The following PSG6 variants were observed in gnomAD, a reference collection of about 807,000 sequenced individuals.
PSG6 encodes pregnancy-specific beta-1-glycoprotein 6.
Under a neutral mutation model 43.3 loss-of-function variants are expected in PSG6, and 51 were observed. That is an observed-to-expected ratio of 1.18 (90% CI 0.94 to 1.49). The LOEUF (loss-of-function observed/expected upper bound fraction) is 1.49. Ranked by LOEUF, PSG6 falls within the 40% of genes most tolerant of loss-of-function variation. The pLI is 0.00. For synonymous variants in PSG6, 292 were observed against 197.6 expected, an observed-to-expected ratio of 1.48 and a Z score of -4.01; for missense variants, 770 against 522.2, an observed-to-expected ratio of 1.47 and a Z score of -4.62.
chr19:42,914,174 G>A (rs1482920073), intron 2 of PSG6, among the ~76,000 whole-genome samples: 1 of 151,496 alleles, frequency 6.6e-6, no homozygotes. Context: ...CCCTGGATGG[G>A]AATACAGTGG....
At position 42,907,524 on chromosome 19, in the gene PSG6, C is replaced by T. The variant is rs371459736; in HGVS notation, c.985+52G>A. 1,266 of 1,604,616 alleles carry T rather than the reference C, an allele frequency of 7.9e-4. 26 individuals are homozygous for T. The highest frequency in any genetic ancestry group is 9.8e-4 in the Non-Finnish European group (1,157 of 1,175,520). On this transcript the variant is annotated intron_variant, in intron 4 of 5. Coordinates refer to ENST00000187910, the MANE Select transcript of PSG6 (RefSeq NM_001031850.4). ...GAGACTGAGAGGCCTGGCCTCTGGT[C>T]GTTTGGAGTTAAGCTGGTGTCCTGG...
rs1210300841 is a variant in PSG6, at chr19:42,907,157, T to G, written c.1005A>C (p.Arg335Ser). The G allele has an allele frequency of 5.0e-6, 8 of 1,612,304 alleles. No homozygotes were observed. Among genetic ancestry groups the G allele is most frequent in the South Asian group, 1.1e-5 (1 of 90,798 alleles). ...GGTAATAGGTGAATGAAGGGTAAAT[T>G]CTGGGGAGGTCTGGACCATCTGGAG... ...LNVLYGPDLP[R>S]IYPSFTYYRS... Residue 335 changes from arginine (R) to serine (S), a missense_variant, in exon 5 of 6, where the codon AGA becomes AGC. Transcript: ENST00000187910.
intron 2 of PSG6, among the ~76,000 whole-genome samples, chr19:42,913,863 A>T (rs180983514): frequency 1.5e-4 from 22 of 151,596 alleles, no homozygotes; most frequent in Admixed American, 7.3e-4. Flanking sequence ...ATCACCAATC[A>T]GCAGTACTCA....
chr19:42,909,540 C>G (rs191977498), intron 3 of PSG6, among the ~76,000 whole-genome samples: 1 of 151,568 alleles, frequency 6.6e-6, no homozygotes, highest in Non-Finnish European at 1.5e-5. Context: ...TCTTCCAATC[C>G]ATGAAAATGA....
rs35188962 is a variant in PSG6, at chr19:42,917,363, CTTTTTTT to C, written c.64+359_64+365del. On this transcript the variant is annotated intron_variant, in intron 1 of 5. Transcript: ENST00000187910. The stretch of plus-strand genomic sequence containing the variant: ...CCTTTTTTTCTTTCTTCTTTTTATT[CTTTTTTT>C]TTTTTTTTTTTGAAATGGAGTCTCG... 6.7e-4 allele frequency among the ~76,000 whole-genome samples: 83 copies of C among 123,326 alleles called. 2 individuals are homozygous for C. The highest frequency in any genetic ancestry group is 1.2e-3 in the East Asian group (5 of 4,138). 80.9% of individuals were successfully genotyped at this position (123,326 alleles called of 152,430 possible).
intron 2 of PSG6, 55 bp from the exon 3 acceptor site, chr19:42,910,913 A>T: frequency 6.5e-7 from 1 of 1,546,506 alleles, no homozygotes; most frequent in Non-Finnish European, 8.7e-7. Flanking sequence ...ATTCCTCCAA[A>T]GGCATTTTTC....
At chr19:42,911,192 C>T (rs1185908382) in intron 2 of PSG6, among the ~76,000 whole-genome samples, 1 of 151,596 alleles carries the variant, frequency 6.6e-6, no homozygotes, top group Non-Finnish European at 1.5e-5. Flanking sequence ...CCTTTTGGTC[C>T]TTACTTGGGG....
chr19:42,907,702 G>C lies in PSG6; in HGVS notation c.859C>G (p.Arg287Gly). The C allele has an allele frequency of 1.2e-6, 2 of 1,610,814 alleles. No individual in the cohort carries two copies. Among genetic ancestry groups the C allele is most frequent in the East Asian group, 2.2e-5 (1 of 44,804 alleles). ...QSLPVSPRVK[R>G]PIENRILILP... Reference sequence around the variant, plus strand: ...ATGAGTATCCTGTTTTCAATGGGTCGCTTTACCCTCGGACTGACCGGGAGG... The same window carrying C: ...ATGAGTATCCTGTTTTCAATGGGTCCCTTTACCCTCGGACTGACCGGGAGG... The change falls in exon 4 of 6, where the codon CGA (arginine) becomes GGA (glycine). Residue 287 changes from arginine (R) to glycine (G), a missense_variant. Coordinates refer to ENST00000187910, the MANE Select transcript of PSG6 (RefSeq NM_001031850.4).
At chr19:42,917,544 TG>T (rs779516894) in intron 1 of PSG6, among the ~76,000 whole-genome samples, 184 bp downstream of exon 1, 1 of 151,026 alleles carries the variant, frequency 6.6e-6, no homozygotes, top group Non-Finnish European at 1.5e-5. Context: ...TTGTATTTTT[TG>T]GTAGAGACAC....
Position 42,914,275 on chromosome 19 carries a change from C to T in PSG6, c.427+1850G>A, listed in dbSNP as rs976797194. Among the ~76,000 whole-genome samples, 6 of 151,448 alleles carry T rather than the reference C, an allele frequency of 4.0e-5. No individual in the cohort carries two copies. In the East Asian group the frequency reaches 1.2e-3, roughly 29 times the overall value. On this transcript the variant is annotated intron_variant, in intron 2 of 5. Transcript: ENST00000187910. ...GGTGATTTCTGCACCTTTCCTATTT[C>T]CTGGGAGGTGGGCCAGGCCACAGTG...
intron 2 of PSG6, among the ~76,000 whole-genome samples, chr19:42,913,003 G>C (rs1414844261): frequency 6.6e-6 from 1 of 151,582 alleles, no homozygotes; most frequent in African/African-American, 2.4e-5. Context: ...TAAATATGAA[G>C]TTGAATATGT....
At chr19:42,911,448 A>C (rs531051053) in intron 2 of PSG6, among the ~76,000 whole-genome samples, 1 of 150,722 alleles carries the variant, frequency 6.6e-6, no homozygotes, top group East Asian at 1.9e-4. Flanking sequence ...AAGGTGGGGC[A>C]GTTTTCCAGG....
chr19:42,910,918 T>C (rs2122635044), intron 2 of PSG6, 60 bp from the exon 3 acceptor site: 1 of 1,542,088 alleles, frequency 6.5e-7, no homozygotes, highest in East Asian at 2.3e-5. Flanking sequence ...TCCAAAGGCA[T>C]TTTTCAATCA....
chr19:42,913,073 A>C (rs1260122415), intron 2 of PSG6, among the ~76,000 whole-genome samples: 1 of 151,458 alleles, frequency 6.6e-6, no homozygotes, highest in African/African-American at 2.4e-5. Flanking sequence ...GGAAGTTTCT[A>C]TTGACACATT....
rs1173129107 is a variant in PSG6, at chr19:42,906,178, G to A, written c.1240+744C>T. On this transcript the variant is annotated intron_variant, in intron 5 of 5. Coordinates refer to ENST00000187910, the MANE Select transcript of PSG6 (RefSeq NM_001031850.4). ...TTTCTCTAGCTCTGCATCAGTCACT[G>A]TCCTCCGTGCTGTGTCCCACGTGCT... Among the ~76,000 whole-genome samples the A allele has an allele frequency of 3.3e-5, 5 of 151,656 alleles. 1 individual carries two copies. Among genetic ancestry groups the A allele is most frequent in the East Asian group, 3.9e-4 (2 of 5,144 alleles).
At chr19:42,906,341 C>T (rs1220409878) in intron 5 of PSG6, among the ~76,000 whole-genome samples, 3 of 151,508 alleles carry the variant, frequency 2.0e-5, no homozygotes, top group African/African-American at 4.8e-5. Context: ...TCGATTTAGC[C>T]AACTTCAGGA....
chr19:42,917,599 G>C lies in PSG6; in HGVS notation c.64+130C>G, dbSNP rs146580914. The C allele has an allele frequency of 1.1e-3, 1,540 of 1,391,226 alleles. 38 individuals are homozygous for C. The African/African-American group carries it at 0.021, about 19-fold the overall frequency. 86.2% of individuals were successfully genotyped at this position (1,391,226 alleles called of 1,614,324 possible). A position where few individuals can be genotyped will look rare whatever the true frequency, so the allele number is the denominator to read the frequency against. On this transcript the variant is annotated intron_variant, in intron 1 of 5. Coordinates refer to ENST00000187910, the MANE Select transcript of PSG6 (RefSeq NM_001031850.4). ...AGACTGATCTTGAACTCCTGATCTCGTGATCCACCCACCTCAGCCTCCCTA... is the reference window on the plus strand; with the variant it reads ...AGACTGATCTTGAACTCCTGATCTCCTGATCCACCCACCTCAGCCTCCCTA...
intron 2 of PSG6, among the ~76,000 whole-genome samples, chr19:42,913,674 A>G (rs1972269705): frequency 6.6e-6 from 1 of 151,750 alleles, no homozygotes; most frequent in Non-Finnish European, 1.5e-5. Flanking sequence ...GCTCCTATAG[A>G]TAACATCACT....
intron 2 of PSG6, among the ~76,000 whole-genome samples, chr19:42,911,095 A>C (rs920093438): frequency 6.6e-6 from 1 of 151,576 alleles, no homozygotes; most frequent in Non-Finnish European, 1.5e-5. Flanking sequence ...GAGCAGCAGC[A>C]TTGGGTCATG....
Sources: allele counts gnomAD v4.1 joint callset (sites outside exome capture counted in the v4.1 genomes callset), GRCh38; gene constraint gnomAD v4.1.1; transcripts MANE v1.5; gene names NCBI Gene and HGNC (gene_info 2026-07-23, HGNC 2026-07-21).